The following FAF1 variants were observed in gnomAD, a reference collection of about 807,000 sequenced individuals.
The protein encoded by FAF1 is Fas associated factor 1.
Under a neutral mutation model 92.5 loss-of-function variants are expected in FAF1, and 25 were observed. That is an observed-to-expected ratio of 0.27 (90% CI 0.20 to 0.38). The LOEUF (loss-of-function observed/expected upper bound fraction) is 0.38, where lower values mean the gene tolerates loss of function less well. FAF1 is among the 10% of genes least tolerant of loss of function. The probability of loss-of-function intolerance (pLI) is 1.00; values close to 1 mark genes in which losing one functional copy is unlikely to be tolerated. For synonymous variants in FAF1, 234 were observed against 273.2 expected (o/e 0.86, Z 1.42); for missense variants, 636 against 793.3 (o/e 0.80, Z 2.38).
At chr1:50,508,274 T>C (rs1647085202) in intron 15 of FAF1, among the ~76,000 whole-genome samples, 2 of 152,230 alleles carry the variant, frequency 1.3e-5, no homozygotes, top group Admixed American at 1.3e-4. Flanking sequence ...TAAAAGAGAT[T>C]GTTAACACAT....
At chr1:50,545,979 A>C (rs1022595995) in intron 13 of FAF1, among the ~76,000 whole-genome samples, 2 of 152,212 alleles carry the variant, frequency 1.3e-5, no homozygotes, top group African/African-American at 4.8e-5. Context: ...ACCAACCTGG[A>C]TAACAAAGTG....
intron 6 of FAF1, among the ~76,000 whole-genome samples, chr1:50,719,958 G>A (rs1246417342): frequency 6.6e-6 from 1 of 151,658 alleles, no homozygotes; most frequent in East Asian, 1.9e-4. Context: ...CATCCAGAGT[G>A]CATAACTTTT....
intron 8 of FAF1, among the ~76,000 whole-genome samples, chr1:50,633,359 C>T (rs1653873067): frequency 6.6e-6 from 1 of 152,192 alleles, no homozygotes; most frequent in Non-Finnish European, 1.5e-5. Flanking sequence ...ATAATTAATT[C>T]CATCTCCTTG....
intron 7 of FAF1, among the ~76,000 whole-genome samples, chr1:50,702,296 T>C (rs985475574): frequency 2.6e-5 from 4 of 152,098 alleles, no homozygotes; most frequent in Non-Finnish European, 5.9e-5. Flanking sequence ...TGAGAATTAC[T>C]AGAATCTGCA....
intron 4 of FAF1, among the ~76,000 whole-genome samples, chr1:50,750,622 C>CTTT (rs200229291): frequency 7.5e-6 from 1 of 133,752 alleles, no homozygotes; most frequent in Non-Finnish European, 1.6e-5. Flanking sequence ...TTTTTCTTTT[C>CTTT]TTTTTTTTTT....
chr1:50,512,605 G>A (rs934439996), intron 15 of FAF1, among the ~76,000 whole-genome samples: 5 of 152,160 alleles, frequency 3.3e-5, no homozygotes, highest in South Asian at 2.1e-4. Context: ...ATCTGTTTTC[G>A]TACCAGTATC....
intron 8 of FAF1, among the ~76,000 whole-genome samples, chr1:50,641,008 A>G (rs1195860150): frequency 6.6e-6 from 1 of 151,198 alleles, no homozygotes; most frequent in East Asian, 1.9e-4. Flanking sequence ...TAATTTTTGT[A>G]TTTTTAGTAG....
chr1:50,463,190 A>G (rs950841615), intron 18 of FAF1, among the ~76,000 whole-genome samples: 2 of 152,178 alleles, frequency 1.3e-5, no homozygotes, highest in African/African-American at 4.8e-5. Flanking sequence ...CAGAGTCCCT[A>G]TAAGCTTCCT....
At chr1:50,740,724 C>G (rs1659349257) in intron 5 of FAF1, among the ~76,000 whole-genome samples, 1 of 152,068 alleles carries the variant, frequency 6.6e-6, no homozygotes. Context: ...TTGGCAATTA[C>G]CTATAACTTT....
In FAF1 at chr1:50,740,979, C is replaced by T. The variant is rs181659964; in HGVS notation, c.460-2025G>A. Among the ~76,000 whole-genome samples the T allele has an allele frequency of 3.3e-5, 5 of 152,298 alleles. No homozygotes were observed. In the East Asian group the frequency reaches 9.6e-4, roughly 29 times the overall value. On this transcript the variant is annotated intron_variant, in intron 5 of 18. Coordinates refer to ENST00000396153, the MANE Select transcript of FAF1 (RefSeq NM_007051.3). Reference sequence around the variant, plus strand: ...AAGATTTTCTATTAAATTTTCCCATCAAACCACATATGGAAAGATTAAATA... The same window carrying T: ...AAGATTTTCTATTAAATTTTCCCATTAAACCACATATGGAAAGATTAAATA...
chr1:50,924,469 T>C (rs1644988663), intron 1 of FAF1, among the ~76,000 whole-genome samples: 1 of 152,150 alleles, frequency 6.6e-6, no homozygotes, highest in South Asian at 2.1e-4. Context: ...TTAATATTGT[T>C]AAAATGACCA....
At chr1:50,905,090 A>G (rs1390283144) in intron 1 of FAF1, among the ~76,000 whole-genome samples, 1 of 151,926 alleles carries the variant, frequency 6.6e-6, no homozygotes, top group African/African-American at 2.4e-5. Flanking sequence ...CCTGTGTCCA[A>G]GTGTTCTCAT....
intron 12 of FAF1, among the ~76,000 whole-genome samples, chr1:50,573,301 G>A (rs866686729): frequency 5.9e-5 from 9 of 152,212 alleles, no homozygotes; most frequent in Middle Eastern, 3.4e-3. Context: ...GTTTCACCAT[G>A]TTGGCCAGGC....
intron 4 of FAF1, among the ~76,000 whole-genome samples, chr1:50,754,034 A>G (rs1569888090): frequency 1.3e-5 from 2 of 151,986 alleles, no homozygotes; most frequent in Admixed American, 1.3e-4. Flanking sequence ...GGGATTACAG[A>G]CGTGAACCAC....
chr1:50,729,418 T>G (rs1306169935), intron 6 of FAF1, among the ~76,000 whole-genome samples: 2 of 151,732 alleles, frequency 1.3e-5, no homozygotes, highest in African/African-American at 4.8e-5. Context: ...TCTTTTATTT[T>G]CTTTTTCTGA....
intron 7 of FAF1, among the ~76,000 whole-genome samples, chr1:50,677,764 G>A (rs937298067): frequency 2.6e-5 from 4 of 151,570 alleles, no homozygotes; most frequent in South Asian, 2.1e-4. Flanking sequence ...CATGGTGGGC[G>A]CATGCCTGTA....
At chr1:50,455,950 C>T (rs996497931) in intron 18 of FAF1, among the ~76,000 whole-genome samples, 1 of 152,094 alleles carries the variant, frequency 6.6e-6, no homozygotes, top group African/African-American at 2.4e-5. Flanking sequence ...TGGCATGCAC[C>T]TGTAATCCCA....
At chr1:50,908,710 T>C (rs529558238) in intron 1 of FAF1, among the ~76,000 whole-genome samples, 1 of 152,284 alleles carries the variant, frequency 6.6e-6, no homozygotes, top group South Asian at 2.1e-4. Context: ...CCTTTTTTTT[T>C]GCTTTCCATT....
rs74080078 is a variant in FAF1, at chr1:50,790,757, T to C, written c.162-2552A>G. 7.7e-3 allele frequency among the ~76,000 whole-genome samples: 1,174 copies of C among 152,164 alleles called. 13 individuals carry two copies. Among genetic ancestry groups the C allele is most frequent in the African/African-American group, 0.027 (1,134 of 41,540 alleles). On this transcript the variant is annotated intron_variant, in intron 3 of 18. Transcript: ENST00000396153. ...ACCTGAATTTAAGAACAATGTTCAA[T>C]TGTTCATACAATTAAGCAGAAAAAT...
Sources: allele counts gnomAD v4.1 joint callset (sites outside exome capture counted in the v4.1 genomes callset), GRCh38; gene constraint gnomAD v4.1.1; transcripts MANE v1.5; gene names NCBI Gene and HGNC (gene_info 2026-07-23, HGNC 2026-07-21).